The following OBSL1 variants were observed in gnomAD, a reference collection of about 807,000 sequenced individuals.
OBSL1 encodes the protein obscurin like cytoskeletal adaptor 1.
Under a neutral mutation model 172.0 loss-of-function variants are expected in OBSL1, and 160 were observed. The ratio of observed to expected loss-of-function variants is 0.93; its 90% CI spans 0.82 to 1.06. OBSL1 has a LOEUF of 1.06. OBSL1 is among the 50% of genes least tolerant of loss of function. OBSL1 has a pLI of 0.00. For missense variants in OBSL1, 2,681 were observed against 2,715.4 expected, an observed-to-expected ratio of 0.99 and a Z score of 0.28; for synonymous variants, 1,200 against 1,196.3, an observed-to-expected ratio of 1.00 and a Z score of -0.06.
At chr2:219,547,854 C>T (rs1283485947), downstream of OBSL1, 2 of 1,586,622 alleles carry the variant, frequency 1.3e-6, no homozygotes, top group African/African-American at 2.7e-5. Flanking sequence ...CGCCCACTCA[C>T]CACCCTGGCC....
rs550875460 is a variant in OBSL1 at position 219,550,990 on chromosome 2, C to T, written c.5684-148G>A. The T allele has an allele frequency of 4.9e-5, 74 of 1,506,550 alleles. No homozygotes were observed. The African/African-American group carries it at 5.4e-4, about 11-fold the overall frequency. 93.3% of individuals were successfully genotyped at this position (1,506,550 alleles called of 1,614,324 possible). On this transcript the variant is annotated intron_variant, in intron 20 of 20. Transcript: ENST00000404537. ...TGGGCCTTGGTTAGGGCTGTCTTGG[C>T]GGCAGGAAGGTGGGGGTCAGCTAGG...
chr2:219,547,423 C>T, downstream of OBSL1: 2 of 1,131,220 alleles, frequency 1.8e-6, no homozygotes, highest in Non-Finnish European at 2.3e-6. Context: ...CCCCTGGGAT[C>T]CCATGTCCTT....
rs537840150 is a variant in OBSL1 at position 219,552,121 on chromosome 2, C to G, written c.5404G>C (p.Glu1802Gln). ...CACCCCAGGTGCTTACCCTCCACTT[C>G]CAGTAGAGCCAGGGACTGGGCGGGC... Reference protein sequence around the residue: ...AGPAQSLALLEVEALPLQMCR... With the variant: ...AGPAQSLALLQVEALPLQMCR... The change falls in exon 19 of 21, where the codon GAA (glutamate) becomes CAA (glutamine). Residue 1802 changes from glutamate to glutamine, a missense_variant. By Grantham distance (29) the Glu-to-Gln change is conservative. Around this residue, in one of 5 missense-constraint regions of OBSL1, gnomAD observed 1,765 missense variants for 1,748.3 expected, o/e 1.01. Transcript: ENST00000404537. 1.2e-5 allele frequency: 20 copies of G among 1,609,782 alleles called. No homozygotes were observed. Among genetic ancestry groups the G allele is most frequent in the East Asian group, 8.9e-5 (4 of 44,718 alleles).
downstream of OBSL1, chr2:219,549,200 A>G (rs753135597): frequency 6.2e-7 from 1 of 1,614,018 alleles, no homozygotes; most frequent in Non-Finnish European, 8.5e-7. Context: ...CGGATTCGGC[A>G]GCAGGAAGAT....
At position 219,551,700 on chromosome 2, in the gene OBSL1, G is replaced by A. The variant is rs1373001473; in HGVS notation, c.5512C>T (p.His1838Tyr). The A allele has an allele frequency of 5.6e-6, 9 of 1,610,750 alleles. No individual in the cohort carries two copies. Among genetic ancestry groups the A allele is most frequent in the Admixed American group, 3.3e-5 (2 of 59,872 alleles). The stretch of plus-strand genomic sequence containing the variant: ...GCCCCCTCCCGCAGCCAGCACACGT[G>A]GCCCCCCGAGCGGGACACAGTCACC... ...LEVTVSRSGG[H>Y]VCWLREGAEL... Residue 1838 changes from histidine (H) to tyrosine (Y), a missense_variant, in exon 20 of 21, where the codon CAC (histidine) becomes TAC (tyrosine). By Grantham distance (83) the His-to-Tyr change is moderately conservative. Around this residue, in one of 5 missense-constraint regions of OBSL1, gnomAD observed 1,765 missense variants for 1,748.3 expected, o/e 1.01. Coordinates refer to ENST00000404537, the MANE Select transcript of OBSL1 (RefSeq NM_015311.3).
At position 219,558,197 on chromosome 2, in the gene OBSL1, A is replaced by G; in HGVS notation, c.3489T>C (p.Asn1163=). The change falls in exon 10 of 21, where the codon AAT becomes AAC. Residue 1163 remains asparagine (N), a synonymous_variant. Transcript: ENST00000404537. ...AGGAGCACCCACCAGCCAGGATGAC[A>G]TTGAAGGTGATGGCCTCATGCCGGG... is the stretch of plus-strand genomic sequence containing the variant. ...CETRHEAITF[N]VILAEPPVQF... is the part of the protein sequence containing the mutation. 1 of 1,608,590 alleles carries G rather than the reference A, an allele frequency of 6.2e-7. No homozygotes were observed. The highest frequency in any genetic ancestry group is 8.5e-7 in the Non-Finnish European group (1 of 1,175,782).
chr2:219,560,102 T>C, intron 8 of OBSL1, among the ~76,000 whole-genome samples: 1 of 152,160 alleles, frequency 6.6e-6, no homozygotes, highest in African/African-American at 2.4e-5. Context: ...CCAGGAACAG[T>C]CCCAAGCACT....
At chr2:219,547,792 G>T (rs774538875), downstream of OBSL1, 7 of 1,593,114 alleles carry the variant, frequency 4.4e-6, no homozygotes, top group South Asian at 4.4e-5. Flanking sequence ...GTCCACTGGG[G>T]CTGTTGCTGG....
downstream of OBSL1, chr2:219,550,159 C>T (rs923256773): frequency 2.1e-5 from 6 of 290,722 alleles, no homozygotes; most frequent in East Asian, 1.2e-4. Flanking sequence ...TTGGAGGGGA[C>T]GCTGGGACCC....
downstream of OBSL1, chr2:219,549,033 G>T (rs749749652): frequency 2.8e-6 from 3 of 1,080,760 alleles, no homozygotes; most frequent in Admixed American, 6.1e-5. Context: ...GTGGGAGTAA[G>T]GGGTTATGGA....
chr2:219,564,833 T>C (rs1293449399), intron 6 of OBSL1, among the ~76,000 whole-genome samples: 2 of 152,174 alleles, frequency 1.3e-5, no homozygotes, highest in Non-Finnish European at 2.9e-5. Context: ...CCCAGCATTT[T>C]AGAAGGCTGA....
chr2:219,561,841 G>A (rs1182387673), intron 8 of OBSL1: 2 of 716,624 alleles, frequency 2.8e-6, no homozygotes, highest in East Asian at 2.7e-5. Context: ...ATGGCAGGGA[G>A]GTGGGACAGA....
chr2:219,552,457 G>C, intron 18 of OBSL1, 79 bp downstream of exon 18: 1 of 1,429,406 alleles, frequency 7.0e-7, no homozygotes. Context: ...CAGGGGCGGG[G>C]CTTGTCCCGG....
Position 219,557,602 on chromosome 2 carries a change from C to T in OBSL1, c.3807G>A (p.Val1269=). The change falls in exon 12 of 21, where the codon GTG becomes GTA. Residue 1269 remains valine (V), a synonymous_variant. Transcript: ENST00000404537. ...TVQVAEPPVR[V]VAPEAAQTRV... ...TCGTCTGGGCTGCCTCGGGAGCTAC[C>T]ACCCGCACAGGGGGCTCTGTGGAGT... The T allele has an allele frequency of 2.6e-6, 4 of 1,543,802 alleles. No homozygotes were observed. Among genetic ancestry groups the T allele is most frequent in the Non-Finnish European group, 3.5e-6 (4 of 1,141,946 alleles).
Position 219,571,280 on chromosome 2 carries a change from GGGT to G in OBSL1, c.-51_-49del. ...CGGCGAACGGTGGGGGGGCAGGGGGGGGTGCGGAGGGCGAGCCGAGGCCCGGGG... is the reference window on the plus strand; with the variant it reads ...CGGCGAACGGTGGGGGGGCAGGGGGGGCGGAGGGCGAGCCGAGGCCCGGGG... On this transcript the variant is annotated 5_prime_UTR_variant, in exon 1 of 21. Coordinates refer to ENST00000404537, the MANE Select transcript of OBSL1 (RefSeq NM_015311.3). The G allele has an allele frequency of 2.9e-6, 3 of 1,042,940 alleles. No homozygotes were observed. The highest frequency in any genetic ancestry group is 3.7e-6 in the Non-Finnish European group (3 of 812,204). The allele number at this position is 1,042,940 out of a possible 1,614,324, so 64.6% of individuals were successfully genotyped here.
chr2:219,567,164 G>A (rs374886476), intron 4 of OBSL1, 38 bp from the exon 5 acceptor site: 7 of 1,600,192 alleles, frequency 4.4e-6, no homozygotes, highest in Non-Finnish European at 6.0e-6. Flanking sequence ...AGAACTAGAA[G>A]GTGTGGCAGA....
chr2:219,555,518 G>T, intron 14 of OBSL1: 1 of 514,582 alleles, frequency 1.9e-6, no homozygotes, highest in Non-Finnish European at 2.5e-6. Context: ...GGCCTCAAGG[G>T]ATCCTCCTGC....
At chr2:219,565,817 G>A (rs1391620316) in intron 5 of OBSL1, among the ~76,000 whole-genome samples, 1 of 152,160 alleles carries the variant, frequency 6.6e-6, no homozygotes, top group East Asian at 1.9e-4. Context: ...TCTGGTTGCT[G>A]GTCAGGTCTC....
chr2:219,549,120 T>C, downstream of OBSL1: 1 of 1,612,642 alleles, frequency 6.2e-7, no homozygotes, highest in Non-Finnish European at 8.5e-7. Context: ...CGCACCGTCC[T>C]CTGAGCTCCT....
Sources: allele counts gnomAD v4.1 joint callset (sites outside exome capture counted in the v4.1 genomes callset), GRCh38; gene constraint gnomAD v4.1.1; regional missense constraint gnomAD v4.1.1; transcripts MANE v1.5; gene names NCBI Gene and HGNC (gene_info 2026-07-23, HGNC 2026-07-21).